PIBF1: variants seen among roughly 807,000 people sequenced by gnomAD.
The protein encoded by PIBF1 is progesterone-induced-blocking factor 1.
Under a neutral mutation model 112.5 loss-of-function variants are expected in PIBF1, and 90 were observed. The ratio of observed to expected loss-of-function variants is 0.80; its 90% CI spans 0.67 to 0.95. The LOEUF is 0.95. PIBF1 is among the 40% of genes least tolerant of loss of function. The pLI is 0.00. For synonymous variants in PIBF1, 301 were observed against 288.6 expected (o/e 1.04, Z -0.44); for missense variants, 915 against 852.3 (o/e 1.07, Z -0.92).
chr13:73,005,767 TATA>T (rs2044013917), intron 17 of PIBF1, among the ~76,000 whole-genome samples: 2 of 152,018 alleles, frequency 1.3e-5, no homozygotes, highest in Non-Finnish European at 2.9e-5. Context: ...CATGGAAAAT[TATA>T]ATATTTCTAT....
chr13:72,896,092 C>T (rs532313474), intron 11 of PIBF1, among the ~76,000 whole-genome samples: 26 of 152,200 alleles, frequency 1.7e-4, no homozygotes, highest in Non-Finnish European at 3.4e-4. Context: ...TGCTGGTATC[C>T]ATGATGGAGA....
Position 72,965,319 on chromosome 13 carries a change from A to G in PIBF1, c.1879A>G (p.Arg627Gly). 6.2e-7 allele frequency: 1 copy of G among 1,610,828 alleles called. No homozygotes were observed. Among genetic ancestry groups the G allele is most frequent in the Non-Finnish European group, 8.5e-7 (1 of 1,177,316 alleles). ...SLLNQTQQPY[R>G]YLIESVRQRD... is the part of the protein sequence containing the mutation. Reference sequence around the variant, plus strand: ...ATTAAACCAGACTCAACAGCCTTACAGGTATCTCATTGAATCAGTGCGTCA... The same window carrying G: ...ATTAAACCAGACTCAACAGCCTTACGGGTATCTCATTGAATCAGTGCGTCA... Residue 627 changes from arginine (R) to glycine (G), a missense_variant, in exon 15 of 18, where the codon AGG (arginine) becomes GGG (glycine). Coordinates refer to ENST00000326291, the MANE Select transcript of PIBF1 (RefSeq NM_006346.4).
At chr13:72,800,866 G>C (rs1412708995) in intron 5 of PIBF1, among the ~76,000 whole-genome samples, 1 of 152,194 alleles carries the variant, frequency 6.6e-6, no homozygotes, top group Non-Finnish European at 1.5e-5. Flanking sequence ...TATATGGAGA[G>C]CAGGGAAGAG....
intron 10 of PIBF1, among the ~76,000 whole-genome samples, chr13:72,888,906 G>T (rs940624378): frequency 3.3e-5 from 5 of 152,104 alleles, no homozygotes; most frequent in African/African-American, 1.2e-4. Flanking sequence ...TGAGAGTAGT[G>T]ATAGAGGTCT....
At chr13:72,985,151 C>T (rs533106959) in intron 16 of PIBF1, among the ~76,000 whole-genome samples, 2 of 152,046 alleles carry the variant, frequency 1.3e-5, no homozygotes, top group Admixed American at 6.6e-5. Flanking sequence ...ACAAACCAAA[C>T]AATTCTGAGA....
intron 14 of PIBF1, among the ~76,000 whole-genome samples, chr13:72,944,567 A>G (rs1335155049): frequency 4.6e-5 from 7 of 152,202 alleles, no homozygotes. Context: ...GCAGAAGTGT[A>G]TTTAATTGCA....
intron 5 of PIBF1, among the ~76,000 whole-genome samples, chr13:72,816,293 C>T (rs1593960582): frequency 6.6e-6 from 1 of 152,140 alleles, no homozygotes; most frequent in Non-Finnish European, 1.5e-5. Context: ...AATCTGAACC[C>T]ATGTTTGTTA....
Position 72,954,902 on chromosome 13 carries a change from A to G in PIBF1, c.1834-10372A>G, listed in dbSNP as rs149939041. Among the ~76,000 whole-genome samples, 10 of 152,158 alleles carry G rather than the reference A, an allele frequency of 6.6e-5. No individual in the cohort carries two copies. The East Asian group carries it at 1.9e-3, about 29-fold the overall frequency. ...CTAACACTGTCTCCAGTCCACCATC[A>G]TGTCTTGGTATCCTCCCTACAGTAC... On this transcript the variant is annotated intron_variant, in intron 14 of 17. Transcript: ENST00000326291.
intron 14 of PIBF1, among the ~76,000 whole-genome samples, chr13:72,943,276 G>A (rs1236832677): frequency 2.0e-5 from 3 of 152,120 alleles, no homozygotes; most frequent in Non-Finnish European, 2.9e-5. Flanking sequence ...GGAATGAGTT[G>A]TAGTGTTTAA....
At chr13:72,846,110 C>T (rs1400788960) in intron 9 of PIBF1, among the ~76,000 whole-genome samples, 1 of 152,086 alleles carries the variant, frequency 6.6e-6, no homozygotes, top group East Asian at 1.9e-4. Context: ...TTTGCAGCTG[C>T]CTCCATGGCA....
intron 13 of PIBF1, among the ~76,000 whole-genome samples, chr13:72,927,453 G>A (rs944651895): frequency 6.6e-6 from 1 of 152,026 alleles, no homozygotes; most frequent in African/African-American, 2.4e-5. Context: ...GCAGTGAGCC[G>A]AGATCGCGTC....
intron 16 of PIBF1, among the ~76,000 whole-genome samples, chr13:72,983,641 A>G (rs2043206587): frequency 6.6e-6 from 1 of 152,138 alleles, no homozygotes; most frequent in Non-Finnish European, 1.5e-5. Flanking sequence ...TCTAACTCAT[A>G]TGTTCTTTGC....
intron 9 of PIBF1, among the ~76,000 whole-genome samples, chr13:72,837,117 A>C (rs556617860): frequency 2.6e-5 from 4 of 152,214 alleles, no homozygotes; most frequent in African/African-American, 9.6e-5. Context: ...ATTCAGTACT[A>C]TCTTAGCAGT....
chr13:72,894,760 A>T (rs1217292753), intron 11 of PIBF1, among the ~76,000 whole-genome samples: 2 of 118,014 alleles, frequency 1.7e-5, no homozygotes, highest in African/African-American at 3.6e-5. Flanking sequence ...TATATATATT[A>T]TATATATATA....
chr13:72,953,598 T>C (rs2042362187), intron 14 of PIBF1, among the ~76,000 whole-genome samples: 1 of 152,130 alleles, frequency 6.6e-6, no homozygotes, highest in Admixed American at 6.5e-5. Context: ...ATAACCTTAG[T>C]GTTGGCTTTC....
intron 13 of PIBF1, among the ~76,000 whole-genome samples, chr13:72,919,448 C>G (rs1296937058): frequency 6.6e-6 from 1 of 152,130 alleles, no homozygotes; most frequent in Admixed American, 6.6e-5. Context: ...GTCCCATTCC[C>G]ATTTCCTCTA....
intron 14 of PIBF1, among the ~76,000 whole-genome samples, chr13:72,961,461 G>GA (rs2042605607): frequency 6.6e-6 from 1 of 151,928 alleles, no homozygotes; most frequent in East Asian, 1.9e-4. Flanking sequence ...TTCATTTGAG[G>GA]AAAAAAATAC....
intron 13 of PIBF1, among the ~76,000 whole-genome samples, chr13:72,929,566 A>G (rs541156658): frequency 1.3e-5 from 2 of 152,254 alleles, no homozygotes; most frequent in Admixed American, 6.5e-5. Flanking sequence ...GATTATAGTG[A>G]TAGTGGCACA....
chr13:72,855,701 A>T (rs1304754596), intron 10 of PIBF1, among the ~76,000 whole-genome samples: 4 of 152,144 alleles, frequency 2.6e-5, no homozygotes, highest in Non-Finnish European at 5.9e-5. Flanking sequence ...GGTGTAAAAG[A>T]TCATGGTATG....
Sources: gnomAD v4.1 joint callset for allele counts (sites outside exome capture counted in the v4.1 genomes callset) on GRCh38, gnomAD v4.1.1 for gene constraint, MANE v1.5 for transcripts, NCBI Gene and HGNC (gene_info 2026-07-23, HGNC 2026-07-21) for gene names.